PLEKHM2: variants seen among roughly 807,000 people sequenced by gnomAD.
PLEKHM2 encodes the protein pleckstrin homology domain-containing family M member 2.
PLEKHM2 carries 77 observed loss-of-function variants against 116.3 expected under a neutral mutation model. The observed-to-expected ratio is 0.66, with a 90% confidence interval of 0.55 to 0.80. The LOEUF (loss-of-function observed/expected upper bound fraction) is 0.80. PLEKHM2 is among the 30% of genes least tolerant of loss of function. The probability of loss-of-function intolerance (pLI) is 0.00; values close to 1 mark genes in which losing one functional copy is unlikely to be tolerated. For missense variants in PLEKHM2, 1,183 were observed against 1,354.9 expected (o/e 0.87, Z 1.99); for synonymous variants, 562 against 571.0 (o/e 0.98, Z 0.22).
intron 8 of PLEKHM2, among the ~76,000 whole-genome samples, chr1:15,726,067 T>C (rs1334621081): frequency 6.6e-6 from 1 of 152,106 alleles, no homozygotes; most frequent in East Asian, 1.9e-4. Flanking sequence ...GCTCAAGCCC[T>C]TGGAAGCAGG....
intron 19 of PLEKHM2, among the ~76,000 whole-genome samples, 160 bp from the exon 20 acceptor site, chr1:15,733,637 C>T (rs745373097): frequency 6.6e-6 from 1 of 152,216 alleles, no homozygotes; most frequent in Non-Finnish European, 1.5e-5. Context: ...CCTGGAAGAG[C>T]GGGAGAAACT....
chr1:15,725,184 T>C, intron 7 of PLEKHM2, 133 bp from the exon 8 acceptor site: 1 of 644,306 alleles, frequency 1.6e-6, no homozygotes, highest in Non-Finnish European at 2.7e-6. Context: ...CTACTCGAAA[T>C]GGGGCCACCC....
chr1:15,688,068 T>C (rs912926429), intron 1 of PLEKHM2, among the ~76,000 whole-genome samples: 1 of 152,198 alleles, frequency 6.6e-6, no homozygotes, highest in Admixed American at 6.5e-5. Context: ...AACACCTGCA[T>C]ATCCAGCACC....
chr1:15,711,898 C>T (rs1287214955), intron 1 of PLEKHM2, among the ~76,000 whole-genome samples: 2 of 152,100 alleles, frequency 1.3e-5, no homozygotes. Flanking sequence ...GCGGGTGGAT[C>T]ATCTGAGGTT....
chr1:15,685,481 C>G (rs1640748505), intron 1 of PLEKHM2, among the ~76,000 whole-genome samples: 1 of 148,570 alleles, frequency 6.7e-6, no homozygotes, highest in African/African-American at 2.5e-5. Flanking sequence ...CTCTCTCTCC[C>G]TCTCTGTGTG....
chr1:15,725,332 A>G lies in PLEKHM2; in HGVS notation c.728A>G (p.Asp243Gly). ...GTCCTCCCAGATGGAGACCTCACAG[A>G]CACGGTCAGTGGTCCCCGCTCCACA... Reference protein sequence around the residue: ...STDWEDGDLTDTVSGPRSTAS... With the variant: ...STDWEDGDLTGTVSGPRSTAS... The change falls in exon 8 of 20, where the codon GAC becomes GGC. Residue 243 changes from aspartate to glycine, a missense_variant. Physicochemically the swap from Asp to Gly is moderately conservative, Grantham distance 94. This residue lies in a region of PLEKHM2 where 372 missense variants were observed against 357.2 expected (regional missense o/e 1.04). Coordinates refer to ENST00000375799, the MANE Select transcript of PLEKHM2 (RefSeq NM_015164.4). 3.2e-6 allele frequency: 5 copies of G among 1,551,012 alleles called. No individual in the cohort carries two copies. The highest frequency in any genetic ancestry group is 3.5e-6 in the Non-Finnish European group (4 of 1,146,794).
At chr1:15,707,106 A>G (rs1339268520) in intron 1 of PLEKHM2, among the ~76,000 whole-genome samples, 2 of 65,708 alleles carry the variant, frequency 3.0e-5, no homozygotes, top group Non-Finnish European at 5.5e-5. Context: ...CTCCGTCTCA[A>G]AAAAAAAAAA....
At position 15,716,849 on chromosome 1, in the gene PLEKHM2, A is replaced by T. The variant is rs368168664; in HGVS notation, c.277+33A>T. ...GTCACAAGGAGACGCTGGGGAAGGGACCAGCTCCACCTTCGGTGGGTAGCT... is the reference window on the plus strand; with the variant it reads ...GTCACAAGGAGACGCTGGGGAAGGGTCCAGCTCCACCTTCGGTGGGTAGCT... On this transcript the variant is annotated intron_variant, in intron 3 of 19. Transcript: ENST00000375799. 73 of 1,550,296 alleles carry T rather than the reference A, an allele frequency of 4.7e-5. No individual in the cohort carries two copies. The African/African-American group carries it at 5.9e-4, about 12-fold the overall frequency.
At chr1:15,682,291 A>G (rs1245098043), upstream of PLEKHM2, among the ~76,000 whole-genome samples, 1 of 151,776 alleles carries the variant, frequency 6.6e-6, no homozygotes, top group Non-Finnish European at 1.5e-5. Flanking sequence ...TCTACTAAAA[A>G]TACAAAAAAA....
chr1:15,691,253 G>T (rs970646168), intron 1 of PLEKHM2, among the ~76,000 whole-genome samples: 2 of 152,020 alleles, frequency 1.3e-5, no homozygotes, highest in African/African-American at 4.8e-5. Context: ...ATTTTTTAGT[G>T]TGGAGACAAG....
In PLEKHM2 at chr1:15,727,464, C is replaced by A; in HGVS notation, c.1392C>A (p.Phe464Leu). The A allele has an allele frequency of 6.2e-7, 1 of 1,603,846 alleles. No homozygotes were observed. The highest frequency in any genetic ancestry group is 8.5e-7 in the Non-Finnish European group (1 of 1,175,894). The change falls in exon 9 of 20, where the codon TTC (phenylalanine) becomes TTA (leucine). Residue 464 changes from phenylalanine to leucine, a missense_variant. Coordinates refer to ENST00000375799, the MANE Select transcript of PLEKHM2 (RefSeq NM_015164.4). The surrounding 1 kb of genome is among the most constrained non-coding windows in gnomAD (Gnocchi z 7.5). The stretch of plus-strand genomic sequence containing the variant: ...AGGGGCTTTCAGCCCCAATGGACTT[C>A]TACCGCTTTACCGTCGAGAGTCCAA... ...FSEGLSAPMD[F>L]YRFTVESPST... is the part of the protein sequence containing the mutation.
At position 15,729,728 on chromosome 1, in the gene PLEKHM2, A is replaced by G. The variant is rs1036669205; in HGVS notation, c.2076-69A>G. On this transcript the variant is annotated intron_variant, in intron 13 of 19. Coordinates refer to ENST00000375799, the MANE Select transcript of PLEKHM2 (RefSeq NM_015164.4). The surrounding 1 kb of genome is among the most constrained non-coding windows in gnomAD (Gnocchi z 4.7). ...TGACCCCTCCAGGCCAGCAGCGCTCAAGACTAAGCCCTGTCCAGTTGAGGC... is the reference window on the plus strand; with the variant it reads ...TGACCCCTCCAGGCCAGCAGCGCTCGAGACTAAGCCCTGTCCAGTTGAGGC... The G allele has an allele frequency of 4.2e-6, 6 of 1,438,074 alleles. No homozygotes were observed. The highest frequency in any genetic ancestry group is 4.3e-5 in the Admixed American group (2 of 46,958). The allele number at this position is 1,438,074 out of a possible 1,614,324, so 89.1% of individuals were successfully genotyped here.
Position 15,727,936 on chromosome 1 carries a change from G to C in PLEKHM2, c.1760+104G>C. On this transcript the variant is annotated intron_variant, in intron 9 of 19. Transcript: ENST00000375799. The surrounding 1 kb of genome is among the most constrained non-coding windows in gnomAD (Gnocchi z 7.5). ...ATTAAGCACTAGGAAGACCTAGCCT[G>C]AGTGAGAAGGGGTGTGAGCCTCCCT... The C allele has an allele frequency of 8.3e-7, 1 of 1,204,856 alleles. No individual in the cohort carries two copies. Among genetic ancestry groups the C allele is most frequent in the African/African-American group, 1.5e-5 (1 of 66,434 alleles). 74.6% of individuals were successfully genotyped at this position (1,204,856 alleles called of 1,614,324 possible).
chr1:15,716,373 G>A (rs538762952), intron 2 of PLEKHM2, 30 bp downstream of exon 2: 7 of 1,396,154 alleles, frequency 5.0e-6, no homozygotes, highest in Middle Eastern at 1.9e-4. Flanking sequence ...CAAAGATGAC[G>A]GAGCACAACC....
rs576870422 is a variant in PLEKHM2, at chr1:15,729,649, C to T, written c.2076-148C>T. 6.0e-5 allele frequency: 40 copies of T among 663,488 alleles called. 1 individual carries two copies. The highest frequency in any genetic ancestry group is 5.4e-4 in the South Asian group (28 of 52,186). The allele number at this position is 663,488 out of a possible 1,614,324, so 41.1% of individuals were successfully genotyped here. ...GATGACCTTGGACCTGCGTCATTGCCGCACCTGCCGCCCTGGTCACTGGGT... is the reference window on the plus strand; with the variant it reads ...GATGACCTTGGACCTGCGTCATTGCTGCACCTGCCGCCCTGGTCACTGGGT... On this transcript the variant is annotated intron_variant, in intron 13 of 19. Transcript: ENST00000375799. This position sits in a 1 kb window ranked among gnomAD's most constrained non-coding sequence, Gnocchi z 4.7.
rs562922839 is a variant in PLEKHM2, at chr1:15,700,988, C to G, written c.61-15249C>G. 3.3e-5 allele frequency among the ~76,000 whole-genome samples: 5 copies of G among 151,980 alleles called. No individual in the cohort carries two copies. The South Asian group carries it at 1.0e-3, about 32-fold the overall frequency. ...AATTAGCCATGTTGGTGGTGGACGC[C>G]TGTAATCCCAGCTACTCAGGAGGCT... On this transcript the variant is annotated intron_variant, in intron 1 of 19. Coordinates refer to ENST00000375799, the MANE Select transcript of PLEKHM2 (RefSeq NM_015164.4).
chr1:15,725,496 G>T lies in PLEKHM2; in HGVS notation c.892G>T (p.Ala298Ser). ...CACCACCTCTCAGGAGAAGGAGGAG[G>T]CCCAGGCCCTGGACCCGCCGGATGC... Reference protein sequence around the residue: ...VHTTSQEKEEAQALDPPDACT... With the variant: ...VHTTSQEKEESQALDPPDACT... The change falls in exon 8 of 20, where the codon GCC (alanine) becomes TCC (serine). Residue 298 changes from alanine (A) to serine (S), a missense_variant. By Grantham distance (99) the Ala-to-Ser change is moderately conservative. Coordinates refer to ENST00000375799, the MANE Select transcript of PLEKHM2 (RefSeq NM_015164.4). 6.3e-7 allele frequency: 1 copy of T among 1,580,758 alleles called. No individual in the cohort carries two copies. The highest frequency in any genetic ancestry group is 2.3e-5 in the East Asian group (1 of 42,592).
At chr1:15,702,034 C>T (rs765590502) in intron 1 of PLEKHM2, among the ~76,000 whole-genome samples, 2 of 152,188 alleles carry the variant, frequency 1.3e-5, no homozygotes, top group Non-Finnish European at 1.5e-5. Context: ...GTCACTGATA[C>T]GGACGGGTCG....
intron 1 of PLEKHM2, among the ~76,000 whole-genome samples, chr1:15,697,264 A>G (rs1641016746): frequency 6.6e-6 from 1 of 152,176 alleles, no homozygotes; most frequent in South Asian, 2.1e-4. Flanking sequence ...AGAAGAATGG[A>G]GTAGAATCGT....
Sources: gnomAD v4.1 joint callset for allele counts (sites outside exome capture counted in the v4.1 genomes callset) on GRCh38, gnomAD v4.1.1 for gene constraint, gnomAD v4.1.1 regional missense constraint, Gnocchi (gnomAD v3.1) non-coding constraint, MANE v1.5 for transcripts, NCBI Gene and HGNC (gene_info 2026-07-23, HGNC 2026-07-21) for gene names.